RALYL: variants seen among roughly 807,000 people sequenced by gnomAD.
RALYL encodes the protein RALY RNA binding protein like.
RALYL carries 29 observed loss-of-function variants against 35.1 expected under a neutral mutation model. That is an observed-to-expected ratio of 0.83 (90% CI 0.61 to 1.13). The LOEUF is 1.13. Among genes scored for constraint, RALYL ranks in the 50% most tolerant of loss-of-function variants. The probability of loss-of-function intolerance (pLI) is 0.00; values close to 1 mark genes in which losing one functional copy is unlikely to be tolerated. For synonymous variants in RALYL, 120 were observed against 127.6 expected (o/e 0.94, Z 0.40); for missense variants, 359 against 360.4 (o/e 1.00, Z 0.03).
intron 2 of RALYL, among the ~76,000 whole-genome samples, chr8:84,737,070 A>G (rs1847448196): frequency 6.6e-6 from 1 of 152,078 alleles, no homozygotes. Flanking sequence ...GGAATTTGAT[A>G]CAGTAGTCAA....
intron 2 of RALYL, among the ~76,000 whole-genome samples, chr8:84,671,108 T>C (rs1833128827): frequency 6.6e-6 from 1 of 152,158 alleles, no homozygotes; most frequent in Admixed American, 6.5e-5. Context: ...CTATAGGCCC[T>C]ATGCAAGTCC....
At chr8:84,785,326 A>G (rs1819158707) in intron 3 of RALYL, among the ~76,000 whole-genome samples, 2 of 152,200 alleles carry the variant, frequency 1.3e-5, no homozygotes, top group Admixed American at 1.3e-4. Context: ...TAAGTTGTGT[A>G]TCTGCTACTA....
At chr8:84,613,022 G>A (rs1376227645) in intron 2 of RALYL, among the ~76,000 whole-genome samples, 2 of 151,652 alleles carry the variant, frequency 1.3e-5, no homozygotes, top group Non-Finnish European at 2.9e-5. Flanking sequence ...TGTGATCCAA[G>A]TTCATGGATT....
intron 1 of RALYL, among the ~76,000 whole-genome samples, chr8:84,451,929 G>A (rs2049524153): frequency 6.6e-6 from 1 of 151,744 alleles, no homozygotes; most frequent in African/African-American, 2.4e-5. Flanking sequence ...TCTCATACTC[G>A]ATATTTACCA....
chr8:84,745,532 T>C (rs1452674852), intron 2 of RALYL, among the ~76,000 whole-genome samples: 2 of 152,030 alleles, frequency 1.3e-5, no homozygotes, highest in African/African-American at 2.4e-5. Flanking sequence ...TACTCTCTAT[T>C]GATTCACAGT....
chr8:84,872,410 T>G (rs945611180), intron 6 of RALYL: 1 of 152,122 alleles, frequency 6.6e-6, no homozygotes, highest in Non-Finnish European at 1.5e-5. Context: ...GTGCAGTAAA[T>G]TTTTTACAAA....
intron 1 of RALYL, among the ~76,000 whole-genome samples, chr8:84,305,850 G>A (rs1221983668): frequency 6.6e-6 from 1 of 152,136 alleles, no homozygotes; most frequent in Non-Finnish European, 1.5e-5. Context: ...TGTAAATGAA[G>A]GAAGGCACTG....
intron 2 of RALYL, among the ~76,000 whole-genome samples, chr8:84,610,620 A>G (rs1425132112): frequency 1.3e-5 from 2 of 152,142 alleles, no homozygotes; most frequent in Non-Finnish European, 2.9e-5. Flanking sequence ...CACATTCAAA[A>G]AGAGTGAGTA....
intron 1 of RALYL, among the ~76,000 whole-genome samples, chr8:84,253,985 T>C (rs1830741577): frequency 6.6e-6 from 1 of 152,166 alleles, no homozygotes; most frequent in African/African-American, 2.4e-5. Flanking sequence ...CATATTTTTG[T>C]AAATAGGTTG....
At chr8:84,554,949 C>T (rs1406729000) in intron 2 of RALYL, among the ~76,000 whole-genome samples, 2 of 151,948 alleles carry the variant, frequency 1.3e-5, no homozygotes, top group Non-Finnish European at 2.9e-5. Flanking sequence ...AGTCATAACT[C>T]TTTTTTTACC....
intron 2 of RALYL, among the ~76,000 whole-genome samples, chr8:84,545,688 G>C (rs1049854464): frequency 6.6e-6 from 1 of 152,000 alleles, no homozygotes; most frequent in African/African-American, 2.4e-5. Context: ...CATAAATAGA[G>C]TATTTTCTCA....
At chr8:84,572,751 A>G (rs1808321134) in intron 2 of RALYL, among the ~76,000 whole-genome samples, 1 of 151,808 alleles carries the variant, frequency 6.6e-6, no homozygotes, top group Non-Finnish European at 1.5e-5. Flanking sequence ...AGTGACATAC[A>G]AGAAAATGAT....
intron 2 of RALYL, among the ~76,000 whole-genome samples, chr8:84,772,141 G>A (rs1196989349): frequency 6.6e-6 from 1 of 151,890 alleles, no homozygotes; most frequent in African/African-American, 2.4e-5. Flanking sequence ...TCGGCTCCAT[G>A]TGTTTATATA....
At chr8:84,871,119 TTGAG>T (rs1316343925) in intron 6 of RALYL, among the ~76,000 whole-genome samples, 7 of 152,198 alleles carry the variant, frequency 4.6e-5, no homozygotes, top group African/African-American at 1.7e-4. Flanking sequence ...ACATTGTTTC[TTGAG>T]TAACATTAAC....
intron 1 of RALYL, among the ~76,000 whole-genome samples, chr8:84,241,973 C>T (rs1828017754): frequency 6.6e-6 from 1 of 151,974 alleles, no homozygotes; most frequent in Non-Finnish European, 1.5e-5. Context: ...CCAGCATCTA[C>T]TGGTTATTCT....
At chr8:84,709,771 C>T (rs1341457459) in intron 2 of RALYL, among the ~76,000 whole-genome samples, 1 of 151,980 alleles carries the variant, frequency 6.6e-6, no homozygotes, top group Non-Finnish European at 1.5e-5. Flanking sequence ...ATCAAGCTAC[C>T]AATTGTCAGC....
At chr8:84,514,528 T>C (rs1348741073) in intron 1 of RALYL, among the ~76,000 whole-genome samples, 1 of 152,176 alleles carries the variant, frequency 6.6e-6, no homozygotes, top group African/African-American at 2.4e-5. Context: ...GAAAGTTGTG[T>C]ACTCACACAG....
intron 2 of RALYL, among the ~76,000 whole-genome samples, chr8:84,714,030 T>TCACACA: frequency 6.7e-6 from 1 of 148,362 alleles, no homozygotes; most frequent in African/African-American, 2.5e-5. Context: ...ACACACATAC[T>TCACACA]CACACACACA....
chr8:84,619,642 T>A lies in RALYL; in HGVS notation c.256+90065T>A, dbSNP rs549898848. Among the ~76,000 whole-genome samples, 262 of 150,772 alleles carry A rather than the reference T, an allele frequency of 1.7e-3. 1 individual carries two copies. The highest frequency in any genetic ancestry group is 0.01 in the Middle Eastern group (3 of 292). On this transcript the variant is annotated intron_variant, in intron 2 of 8. Coordinates refer to ENST00000521268, the MANE Select transcript of RALYL (RefSeq NM_173848.7). ...TGAATTTGATCCTGTCATTATGATG[T>A]TAGCTGGTTATTTTGCTCGTTAGTT...
Sources: gnomAD v4.1 joint callset for allele counts (sites outside exome capture counted in the v4.1 genomes callset) on GRCh38, gnomAD v4.1.1 for gene constraint, MANE v1.5 for transcripts, NCBI Gene and HGNC (gene_info 2026-07-23, HGNC 2026-07-21) for gene names.